DOK6: variants seen among roughly 807,000 people sequenced by gnomAD.
DOK6 encodes the protein docking protein 6.
A neutral mutation model predicts 44.0 loss-of-function variants in DOK6; 22 were observed. The ratio of observed to expected loss-of-function variants is 0.50; its 90% CI spans 0.36 to 0.71. DOK6 has a LOEUF of 0.71. DOK6 is among the 30% of genes least tolerant of loss of function. DOK6 has a pLI of 0.00. For synonymous variants in DOK6, 166 were observed against 145.5 expected (o/e 1.14, Z -1.01); for missense variants, 340 against 416.4 (o/e 0.82, Z 1.60).
chr18:69,410,581 C>T (rs930231040), intron 1 of DOK6, among the ~76,000 whole-genome samples: 1 of 152,150 alleles, frequency 6.6e-6, no homozygotes, highest in Non-Finnish European at 1.5e-5. Flanking sequence ...AGGAATACAA[C>T]AAAAAATTTC....
At chr18:69,783,643 A>C (rs1418369112) in intron 7 of DOK6, among the ~76,000 whole-genome samples, 1 of 152,148 alleles carries the variant, frequency 6.6e-6, no homozygotes, top group Non-Finnish European at 1.5e-5. Context: ...TTATTTTCTA[A>C]AATCACTTTG....
chr18:69,699,588 T>C (rs1450683998), intron 5 of DOK6, among the ~76,000 whole-genome samples: 1 of 152,218 alleles, frequency 6.6e-6, no homozygotes, highest in Non-Finnish European at 1.5e-5. Context: ...CATTAGATCC[T>C]GTGTTTACTT....
chr18:69,423,438 A>G (rs1196434072), intron 1 of DOK6, among the ~76,000 whole-genome samples: 1 of 152,182 alleles, frequency 6.6e-6, no homozygotes, highest in Non-Finnish European at 1.5e-5. Flanking sequence ...TAGTCTGTAC[A>G]CTTCAACCGT....
chr18:69,499,040 G>A (rs1175997028), intron 1 of DOK6, among the ~76,000 whole-genome samples: 1 of 152,134 alleles, frequency 6.6e-6, no homozygotes, highest in Non-Finnish European at 1.5e-5. Flanking sequence ...ATAGATTGAT[G>A]TGTTTATTAT....
intron 6 of DOK6, among the ~76,000 whole-genome samples, chr18:69,743,030 C>A (rs1338615997): frequency 6.6e-6 from 1 of 152,146 alleles, no homozygotes; most frequent in Non-Finnish European, 1.5e-5. Context: ...TCATTCCTGC[C>A]TCCAAGTGAG....
intron 1 of DOK6, among the ~76,000 whole-genome samples, chr18:69,451,220 A>G (rs1280982204): frequency 6.8e-6 from 1 of 147,118 alleles, no homozygotes; most frequent in African/African-American, 2.5e-5. Context: ...AGGAAGATCT[A>G]CCAAGCAAAT....
intron 5 of DOK6, among the ~76,000 whole-genome samples, chr18:69,734,728 A>G (rs1271390831): frequency 1.2e-4 from 18 of 152,300 alleles, no homozygotes; most frequent in South Asian, 6.2e-4. Context: ...GATGGACAAA[A>G]TTGCCAGATG....
intron 4 of DOK6, among the ~76,000 whole-genome samples, chr18:69,678,646 A>G (rs1267212429): frequency 6.6e-6 from 1 of 152,198 alleles, no homozygotes; most frequent in Non-Finnish European, 1.5e-5. Context: ...AGCATTTCTA[A>G]TGTCTCATAA....
chr18:69,838,299 C>G (rs1982110099), intron 7 of DOK6, among the ~76,000 whole-genome samples: 1 of 151,356 alleles, frequency 6.6e-6, no homozygotes, highest in African/African-American at 2.4e-5. Context: ...ATTATACTTT[C>G]CAGCTATCTT....
At chr18:69,430,208 A>G (rs1978764302) in intron 1 of DOK6, among the ~76,000 whole-genome samples, 2 of 152,210 alleles carry the variant, frequency 1.3e-5, no homozygotes, top group South Asian at 2.1e-4. Flanking sequence ...TAGGTTGTCT[A>G]CATCAAAACT....
At chr18:69,782,539 C>A (rs1472817116) in intron 7 of DOK6, among the ~76,000 whole-genome samples, 2 of 151,724 alleles carry the variant, frequency 1.3e-5, no homozygotes, top group South Asian at 2.1e-4. Flanking sequence ...AAGCTTCATG[C>A]ATCTTCCTGA....
intron 3 of DOK6, among the ~76,000 whole-genome samples, chr18:69,666,063 G>A (rs73465947): frequency 0.024 from 3,619 of 152,262 alleles, 142 homozygotes; most frequent in African/African-American, 0.082. Context: ...TTGACTTGGA[G>A]TTGCGAAGCA....
chr18:69,670,431 G>T (rs998102532), intron 3 of DOK6, among the ~76,000 whole-genome samples: 1 of 151,936 alleles, frequency 6.6e-6, no homozygotes, highest in Non-Finnish European at 1.5e-5. Context: ...AAGATAAAGG[G>T]TCTTGATAGC....
intron 3 of DOK6, among the ~76,000 whole-genome samples, chr18:69,613,461 AGTTTGGTTAATAGACT>A (rs1486955609): frequency 6.6e-6 from 1 of 152,204 alleles, no homozygotes; most frequent in African/African-American, 2.4e-5. Flanking sequence ...AGAAACCCAA[AGTTTGGTTAATAGACT>A]CTGCCACTGG....
At chr18:69,552,611 C>T (rs1230947853) in intron 1 of DOK6, among the ~76,000 whole-genome samples, 1 of 152,318 alleles carries the variant, frequency 6.6e-6, no homozygotes, top group East Asian at 1.9e-4. Flanking sequence ...ACTTCCACTT[C>T]CCATTCTCTT....
intron 5 of DOK6, among the ~76,000 whole-genome samples, chr18:69,737,430 A>G (rs1978648455): frequency 6.6e-6 from 1 of 151,878 alleles, no homozygotes; most frequent in Non-Finnish European, 1.5e-5. Context: ...TGATCCATTC[A>G]CCTCCCTCCC....
chr18:69,770,249 G>A (rs529065352), intron 7 of DOK6, among the ~76,000 whole-genome samples: 3 of 152,188 alleles, frequency 2.0e-5, no homozygotes, highest in African/African-American at 7.2e-5. Context: ...GAAAACCGTG[G>A]CACACAAAGA....
At chr18:69,633,053 G>A (rs945517712) in intron 3 of DOK6, among the ~76,000 whole-genome samples, 5 of 152,156 alleles carry the variant, frequency 3.3e-5, no homozygotes, top group African/African-American at 4.8e-5. Context: ...TATGGAACCC[G>A]TGTATTCCCT....
intron 1 of DOK6, among the ~76,000 whole-genome samples, chr18:69,522,985 G>A (rs984004155): frequency 3.9e-5 from 6 of 152,086 alleles, no homozygotes; most frequent in African/African-American, 1.4e-4. Flanking sequence ...TTAAGGGATA[G>A]CTATTTCCTG....
Sources: gnomAD v4.1 joint callset for allele counts (sites outside exome capture counted in the v4.1 genomes callset) on GRCh38, gnomAD v4.1.1 for gene constraint, MANE v1.5 for transcripts, NCBI Gene and HGNC (gene_info 2026-07-23, HGNC 2026-07-21) for gene names.